GP6: variants seen among roughly 807,000 people sequenced by gnomAD.
GP6 encodes platelet glycoprotein VI.
GP6 carries 45 observed loss-of-function variants against 37.3 expected under a neutral mutation model. The observed-to-expected ratio is 1.21, with a 90% confidence interval of 0.95 to 1.55. The LOEUF is 1.55. Among genes scored for constraint, GP6 ranks in the 40% most tolerant of loss-of-function variants. The probability of loss-of-function intolerance (pLI) is 0.00; values close to 1 mark genes in which losing one functional copy is unlikely to be tolerated. For missense variants in GP6, 813 were observed against 760.2 expected, an observed-to-expected ratio of 1.07 and a Z score of -0.82; for synonymous variants, 340 against 316.4, an observed-to-expected ratio of 1.07 and a Z score of -0.79.
intron 6 of GP6, among the ~76,000 whole-genome samples, chr19:55,016,560 G>C (rs1018765524): frequency 2.0e-5 from 3 of 151,658 alleles, no homozygotes; most frequent in Non-Finnish European, 2.9e-5. Context: ...ATTTTTAGTA[G>C]AGATGGGATT....
chr19:55,018,626 T>A (rs771607026), intron 6 of GP6, 26 bp downstream of exon 6: 2 of 1,363,730 alleles, frequency 1.5e-6, no homozygotes, highest in Non-Finnish European at 1.1e-6. Flanking sequence ...TCCTTTCTGC[T>A]GAGCATGAAA....
chr19:55,027,642 G>A lies in GP6; in HGVS notation c.546C>T (p.Ser182=). ...ACAGGTATGGGTCCCTGCTGGAGAA[G>A]CTGTAGCATCGGTAGGTTCCGCTGT... Residue 182 remains serine, a synonymous_variant, in exon 4 of 8, where the codon AGC becomes AGT. Coordinates refer to ENST00000310373, the MANE Select transcript of GP6 (RefSeq NM_001083899.2). 1.9e-6 allele frequency: 3 copies of A among 1,613,366 alleles called. No homozygotes were observed. The highest frequency in any genetic ancestry group is 2.5e-6 in the Non-Finnish European group (3 of 1,179,252).
chr19:55,023,506 TC>T (rs1568610214), intron 5 of GP6, among the ~76,000 whole-genome samples: 1 of 152,178 alleles, frequency 6.6e-6, no homozygotes, highest in Admixed American at 6.5e-5. Flanking sequence ...GTGTGGCATG[TC>T]CCCCAGTCCC....
At chr19:55,018,996 A>C (rs547276220) in intron 5 of GP6, among the ~76,000 whole-genome samples, 1 of 152,314 alleles carries the variant, frequency 6.6e-6, no homozygotes, top group East Asian at 1.9e-4. Context: ...TTGTGTGAAC[A>C]TAAGTTTTCT....
chr19:55,022,160 C>G (rs2074110841), intron 5 of GP6, among the ~76,000 whole-genome samples: 1 of 152,048 alleles, frequency 6.6e-6, no homozygotes, highest in African/African-American at 2.4e-5. Context: ...TAGTTAGATC[C>G]CATTTGTCAG....
At chr19:55,032,622 C>CAT in intron 1 of GP6, 84 bp from the exon 2 acceptor site, 1 of 1,324,436 alleles carries the variant, frequency 7.6e-7, no homozygotes, top group Non-Finnish European at 1.1e-6. Flanking sequence ...AAGACATTTG[C>CAT]ATGCATATGC....
At chr19:55,015,756 G>A (rs1190056842) in intron 6 of GP6, 23 bp from the exon 7 acceptor site, 3 of 1,377,092 alleles carry the variant, frequency 2.2e-6, no homozygotes, top group Admixed American at 3.4e-5. Context: ...CAAAGGCTAA[G>A]TGTGAAATGA....
intron 4 of GP6, 25 bp from the exon 5 acceptor site, chr19:55,025,296 A>G (rs369291678): frequency 6.2e-5 from 92 of 1,477,408 alleles, no homozygotes; most frequent in Admixed American, 2.8e-4. Flanking sequence ...AATGAGATAA[A>G]TCTGTGCTCT....
At chr19:55,034,064 A>G (rs1487543890) in intron 1 of GP6, among the ~76,000 whole-genome samples, 1 of 151,892 alleles carries the variant, frequency 6.6e-6, no homozygotes. Flanking sequence ...ATATATGTAA[A>G]CCTACATCTA....
intron 3 of GP6, among the ~76,000 whole-genome samples, 154 bp downstream of exon 3, chr19:55,031,985 T>C (rs1039844546): frequency 7.2e-5 from 11 of 152,020 alleles, no homozygotes; most frequent in African/African-American, 2.7e-4. Context: ...AAAAACAAAA[T>C]ATTATTCACA....
intron 3 of GP6, among the ~76,000 whole-genome samples, chr19:55,030,225 C>CTA (rs1369442162): frequency 6.6e-6 from 1 of 152,152 alleles, no homozygotes; most frequent in Non-Finnish European, 1.5e-5. Context: ...CTGGGTGCAC[C>CTA]TATAGTCCCA....
intron 3 of GP6, among the ~76,000 whole-genome samples, chr19:55,028,206 C>A (rs564980039): frequency 6.6e-6 from 1 of 152,182 alleles, no homozygotes. Context: ...GTGCCTGTTG[C>A]CTAGCAAGCG....
intron 6 of GP6, 29 bp from the exon 7 acceptor site, chr19:55,015,762 A>C: frequency 7.9e-7 from 1 of 1,272,046 alleles, no homozygotes; most frequent in Non-Finnish European, 1.2e-6. Flanking sequence ...CTAAGTGTGA[A>C]ATGAAACCAT....
intron 1 of GP6, among the ~76,000 whole-genome samples, chr19:55,037,071 G>A (rs377434315): frequency 1.3e-5 from 2 of 152,128 alleles, no homozygotes; most frequent in African/African-American, 4.8e-5. Context: ...TGAATGAGAG[G>A]TTGTTTATAT....
chr19:55,019,262 C>T (rs980776783), intron 5 of GP6, among the ~76,000 whole-genome samples: 13 of 151,972 alleles, frequency 8.6e-5, no homozygotes, highest in African/African-American at 2.7e-4. Flanking sequence ...CCTGCCATCA[C>T]GCCTGGCCAA....
At chr19:55,036,880 A>C (rs2088685569) in intron 1 of GP6, among the ~76,000 whole-genome samples, 1 of 152,142 alleles carries the variant, frequency 6.6e-6, no homozygotes, top group Admixed American at 6.6e-5. Context: ...ACCTGGTGGC[A>C]GATGCCTGTA....
intron 3 of GP6, among the ~76,000 whole-genome samples, chr19:55,029,350 ATATATATATATATATATATATATATTTT>A (rs2074455660): frequency 4.4e-3 from 11 of 2,504 alleles, no homozygotes; most frequent in Admixed American, 8.1e-3. Flanking sequence ...ATATATATAT[ATATATATATATATATATATATATATTTT>A]TTTTTTTTTT....
chr19:55,018,657 G>C lies in GP6; in HGVS notation c.719C>G (p.Thr240Arg), dbSNP rs201917182. The change falls in exon 6 of 8, where the codon ACA becomes AGA. Residue 240 changes from threonine to arginine, a missense_variant. Coordinates refer to ENST00000310373, the MANE Select transcript of GP6 (RefSeq NM_001083899.2). Reference sequence around the variant, plus strand: ...TGAAATGCCTGGTTACTCACCAGTTGTGAAGACTTCGTTTGTGAATGAGAC... The same window carrying C: ...TGAAATGCCTGGTTACTCACCAGTTCTGAAGACTTCGTTTGTGAATGAGAC... 7.6e-5 allele frequency: 120 copies of C among 1,582,184 alleles called. No homozygotes were observed. Among genetic ancestry groups the C allele is most frequent in the Non-Finnish European group, 1.0e-4 (119 of 1,150,844 alleles).
chr19:55,034,279 G>A (rs537986707), intron 1 of GP6, among the ~76,000 whole-genome samples: 15 of 152,074 alleles, frequency 9.9e-5, no homozygotes, highest in East Asian at 1.9e-4. Flanking sequence ...ACCACTGGCC[G>A]GGCACGGTGG....
Sources: gnomAD v4.1 joint callset for allele counts (sites outside exome capture counted in the v4.1 genomes callset) on GRCh38, gnomAD v4.1.1 for gene constraint, MANE v1.5 for transcripts, NCBI Gene and HGNC (gene_info 2026-07-23, HGNC 2026-07-21) for gene names.